The following ARFGEF1 variants were observed in gnomAD, a reference collection of about 807,000 sequenced individuals.
The protein encoded by ARFGEF1 is ARF guanine nucleotide exchange factor 1.
ARFGEF1 carries 42 observed loss-of-function variants against 231.0 expected under a neutral mutation model. The observed-to-expected ratio is 0.18, with a 90% CI of 0.14 to 0.24. The LOEUF (loss-of-function observed/expected upper bound fraction) is 0.24. ARFGEF1 is among the 10% of genes least tolerant of loss of function. The pLI, the probability that ARFGEF1 is intolerant of heterozygous loss-of-function variation, is 1.00. For missense variants in ARFGEF1, 1,345 were observed against 2,192.0 expected (o/e 0.61, Z 7.72); for synonymous variants, 710 against 732.3 (o/e 0.97, Z 0.49).
downstream of ARFGEF1, chr8:67,175,149 T>C: frequency 4.6e-6 from 3 of 653,218 alleles, no homozygotes; most frequent in South Asian, 5.8e-5. Flanking sequence ...GCTATTTTAC[T>C]GTCCTTTGAC....
intron 23 of ARFGEF1, among the ~76,000 whole-genome samples, chr8:67,231,989 A>G (rs144069886): frequency 8.4e-4 from 128 of 152,142 alleles, no homozygotes; most frequent in African/African-American, 3.0e-3. Context: ...ACAAAAAACA[A>G]CAGCAAGTAG....
chr8:67,308,196 A>G (rs1806835712), intron 1 of ARFGEF1, among the ~76,000 whole-genome samples: 1 of 152,226 alleles, frequency 6.6e-6, no homozygotes, highest in Admixed American at 6.5e-5. Flanking sequence ...ACTGTGGAGC[A>G]GCAGCATGCC....
intron 8 of ARFGEF1, among the ~76,000 whole-genome samples, chr8:67,276,888 T>C (rs1805335580): frequency 6.6e-6 from 1 of 152,166 alleles, no homozygotes; most frequent in Non-Finnish European, 1.5e-5. Flanking sequence ...GTGTATGACC[T>C]CTGAGCGTCA....
At chr8:67,328,464 ATC>A (rs35603166) in intron 1 of ARFGEF1, among the ~76,000 whole-genome samples, 131 of 151,990 alleles carry the variant, frequency 8.6e-4, no homozygotes, top group Middle Eastern at 6.8e-3. Context: ...TTTCTCCAGC[ATC>A]TCTCTGATTA....
chr8:67,218,514 G>A (rs887948770), intron 30 of ARFGEF1, among the ~76,000 whole-genome samples: 6 of 151,728 alleles, frequency 4.0e-5, no homozygotes, highest in Admixed American at 3.3e-4. Flanking sequence ...AACATGAAAG[G>A]GAAATAAAGA....
chr8:67,340,466 T>A (rs1808575851), intron 1 of ARFGEF1, among the ~76,000 whole-genome samples: 1 of 152,182 alleles, frequency 6.6e-6, no homozygotes, highest in African/African-American at 2.4e-5. Context: ...CTGGCCCAGG[T>A]CTCAATAGTG....
chr8:67,297,384 G>T (rs1192015140), intron 4 of ARFGEF1, among the ~76,000 whole-genome samples: 1 of 152,126 alleles, frequency 6.6e-6, no homozygotes, highest in East Asian at 1.9e-4. Flanking sequence ...TATTGTTGAA[G>T]AGGTTTATAA....
chr8:67,228,365 G>A, intron 23 of ARFGEF1, 101 bp from the exon 24 acceptor site: 1 of 1,149,268 alleles, frequency 8.7e-7, no homozygotes, highest in Non-Finnish European at 1.2e-6. Context: ...TATGTTTTAA[G>A]GGAACAAAAA....
At chr8:67,318,143 A>C (rs1020152685) in intron 1 of ARFGEF1, among the ~76,000 whole-genome samples, 4 of 149,874 alleles carry the variant, frequency 2.7e-5, no homozygotes, top group African/African-American at 9.8e-5. Flanking sequence ...AGGCTGATGC[A>C]GGAGAATGGC....
At chr8:67,263,264 T>A (rs935357146) in intron 14 of ARFGEF1, among the ~76,000 whole-genome samples, 5 of 152,216 alleles carry the variant, frequency 3.3e-5, no homozygotes, top group Non-Finnish European at 7.3e-5. Flanking sequence ...CCTACTTTTG[T>A]TACTTTGGTG....
At chr8:67,272,451 C>G (rs929260175) in intron 9 of ARFGEF1, among the ~76,000 whole-genome samples, 3 of 151,982 alleles carry the variant, frequency 2.0e-5, no homozygotes, top group Non-Finnish European at 4.4e-5. Context: ...CAGGCATGAG[C>G]CACCGCGCCT....
chr8:67,263,033 A>C (rs1804699849), intron 14 of ARFGEF1, among the ~76,000 whole-genome samples: 2 of 152,208 alleles, frequency 1.3e-5, no homozygotes, highest in South Asian at 2.1e-4. Context: ...TCATTTGTCC[A>C]AATTAATTAG....
At chr8:67,281,642 T>C (rs765522151) in intron 7 of ARFGEF1, among the ~76,000 whole-genome samples, 2 of 152,086 alleles carry the variant, frequency 1.3e-5, no homozygotes, top group Middle Eastern at 3.4e-3. Context: ...ATAAATGCTG[T>C]AAAGGAAGAG....
At chr8:67,238,654 T>C in intron 21 of ARFGEF1, 81 bp downstream of exon 21, 2 of 1,518,154 alleles carry the variant, frequency 1.3e-6, no homozygotes, top group Non-Finnish European at 1.8e-6. Context: ...CCCCTAACAT[T>C]TAGGCATGTC....
chr8:67,311,252 C>G (rs1441746019), intron 1 of ARFGEF1, among the ~76,000 whole-genome samples: 2 of 139,528 alleles, frequency 1.4e-5, no homozygotes, highest in Admixed American at 1.4e-4. Context: ...AGGTCAGCCC[C>G]CCGCCCGGCC....
chr8:67,263,362 G>C (rs1035329818), intron 14 of ARFGEF1, among the ~76,000 whole-genome samples: 6 of 152,162 alleles, frequency 3.9e-5, no homozygotes, highest in African/African-American at 1.2e-4. Flanking sequence ...GCACCCTTCA[G>C]GCTGCCAGCA....
At chr8:67,199,629 T>C (rs1587017753) in intron 38 of ARFGEF1, 1 of 150,194 alleles carries the variant, frequency 6.7e-6, no homozygotes, top group Non-Finnish European at 1.4e-5. Flanking sequence ...TTCCTACCCC[T>C]TCTGTACCCC....
intron 1 of ARFGEF1, among the ~76,000 whole-genome samples, chr8:67,324,074 T>A (rs1399354106): frequency 3.3e-5 from 5 of 152,188 alleles, no homozygotes; most frequent in Non-Finnish European, 5.9e-5. Context: ...GTGCTGGGAT[T>A]ACAGGCGTGA....
chr8:67,336,289 G>A (rs1808343961), intron 1 of ARFGEF1, among the ~76,000 whole-genome samples: 1 of 152,200 alleles, frequency 6.6e-6, no homozygotes, highest in Non-Finnish European at 1.5e-5. Flanking sequence ...AATCAGAGAT[G>A]AGCCAAAGAC....
Sources: gnomAD v4.1 joint callset for allele counts (sites outside exome capture counted in the v4.1 genomes callset) on GRCh38, gnomAD v4.1.1 for gene constraint, MANE v1.5 for transcripts, NCBI Gene and HGNC (gene_info 2026-07-23, HGNC 2026-07-21) for gene names.